Variants in DDX17 observed in about 807,000 individuals in gnomAD.
DDX17 encodes DEAD-box helicase 17.
DDX17 carries 10 observed loss-of-function variants against 80.8 expected under a neutral mutation model. The ratio of observed to expected loss-of-function variants is 0.12; its 90% CI spans 0.08 to 0.21. The LOEUF is 0.21. Ranked by LOEUF, DDX17 falls within the 10% of genes least tolerant of loss-of-function variation. The pLI is 1.00. For missense variants in DDX17, 586 were observed against 957.4 expected, an observed-to-expected ratio of 0.61 and a Z score of 5.12; for synonymous variants, 339 against 336.2, an observed-to-expected ratio of 1.01 and a Z score of -0.09.
rs772785263 is a variant in DDX17, at chr22:38,494,998, T to C, written c.929A>G (p.Glu310Gly). 6.2e-7 allele frequency: 1 copy of C among 1,614,116 alleles called. No individual in the cohort carries two copies. Among genetic ancestry groups the C allele is most frequent in the South Asian group, 1.1e-5 (1 of 91,082 alleles). Reference sequence around the variant, plus strand: ...TCGGCGAAGATTTGTCTTTCCTGACTCCAGGAAATCTATCAGACGTCCAGG... The same window carrying C: ...TCGGCGAAGATTTGTCTTTCCTGACCCCAGGAAATCTATCAGACGTCCAGG... Residue 310 changes from glutamate (E) to glycine (G), a missense_variant, in exon 7 of 13, where the codon GAG (glutamate) becomes GGG (glycine). Physicochemically the swap from Glu to Gly is moderately conservative, Grantham distance 98. Transcript: ENST00000403230.
chr22:38,495,487 C>T (rs759195147), intron 6 of DDX17, among the ~76,000 whole-genome samples: 7 of 152,064 alleles, frequency 4.6e-5, no homozygotes, highest in Non-Finnish European at 8.8e-5. Flanking sequence ...CCTCGTGATC[C>T]GCCCACCTCG....
chr22:38,488,252 G>C (rs758157057), intron 11 of DDX17, 137 bp from the exon 12 acceptor site: 2 of 1,560,586 alleles, frequency 1.3e-6, no homozygotes, highest in East Asian at 2.2e-5. Flanking sequence ...TAACCACTCT[G>C]AACAGAAACA....
intron 2 of DDX17, 41 bp from the exon 3 acceptor site, chr22:38,499,540 C>G: frequency 4.1e-6 from 6 of 1,460,406 alleles, no homozygotes; most frequent in Non-Finnish European, 5.8e-6. Flanking sequence ...ACTAGTTATT[C>G]TAAACATTCA....
chr22:38,493,803 A>C, intron 9 of DDX17, 32 bp from the exon 10 acceptor site: 3 of 1,602,126 alleles, frequency 1.9e-6, no homozygotes, highest in Non-Finnish European at 2.6e-6. Context: ...ATATTTTAAA[A>C]ATCTTTTAAA....
intron 5 of DDX17, 55 bp downstream of exon 5, chr22:38,498,030 T>A: frequency 6.5e-7 from 1 of 1,539,742 alleles, no homozygotes; most frequent in Non-Finnish European, 9.0e-7. Context: ...CAAGCCTAAA[T>A]AGTCGCTAAA....
At position 38,506,205 on chromosome 22, in the gene DDX17, A is replaced by G. The variant is rs763479027; in HGVS notation, c.33T>C (p.Cys11=). ...CTCTCGTCGGAGACGGGAGCAAAAC[A>G]CAGAGAATCGGGGCTACAAAGCCGG... Residue 11 remains cysteine (C), a synonymous_variant, in exon 1 of 13, where the codon TGT becomes TGC. Coordinates refer to ENST00000403230, the MANE Select transcript of DDX17 (RefSeq NM_006386.5). The G allele has an allele frequency of 6.2e-6, 10 of 1,607,316 alleles. No individual in the cohort carries two copies. The South Asian group carries it at 1.1e-4, about 18-fold the overall frequency.
At chr22:38,488,340 C>T in intron 11 of DDX17, 2 of 1,409,918 alleles carry the variant, frequency 1.4e-6, no homozygotes, top group South Asian at 3.0e-5. Context: ...TCTTTATTGG[C>T]TGTAGAATCC....
intron 1 of DDX17, among the ~76,000 whole-genome samples, chr22:38,503,260 T>G (rs2089848349): frequency 6.6e-6 from 1 of 152,220 alleles, no homozygotes; most frequent in Admixed American, 6.5e-5. Flanking sequence ...TAAGGTACTT[T>G]TCAAGAGGTA....
At chr22:38,505,378 G>A (rs897318544) in intron 1 of DDX17, 1 of 152,364 alleles carries the variant, frequency 6.6e-6, no homozygotes, top group Admixed American at 6.5e-5. Context: ...ACATCCCAAT[G>A]CATTTCCTCC....
chr22:38,491,511 C>T lies in DDX17; in HGVS notation c.1447+545G>A, dbSNP rs1330358780. ...GGGTAGGAGGGGATAGCCAAGTGCC[C>T]ATGATAATTTGACCTCAGTAAATTA... On this transcript the variant is annotated intron_variant, in intron 11 of 12. Transcript: ENST00000403230. The T allele has an allele frequency of 2.6e-5, 4 of 152,200 alleles. No individual in the cohort carries two copies. In the East Asian group the frequency reaches 7.7e-4, roughly 29 times the overall value. 9.4% of individuals were successfully genotyped at this position (152,200 alleles called of 1,614,324 possible).
chr22:38,502,253 AAC>A (rs2089838125), intron 1 of DDX17, among the ~76,000 whole-genome samples: 1 of 152,120 alleles, frequency 6.6e-6, no homozygotes, highest in Non-Finnish European at 1.5e-5. Context: ...TCTTACTAAA[AAC>A]ACAAAAGAGT....
chr22:38,489,855 G>C lies in DDX17; in HGVS notation c.1448-1740C>G, dbSNP rs1466232814. 1 of 985,680 alleles carries C rather than the reference G, an allele frequency of 1.0e-6. No homozygotes were observed. The highest frequency in any genetic ancestry group is 1.2e-6 in the Non-Finnish European group (1 of 830,296). 61.1% of individuals were successfully genotyped at this position (985,680 alleles called of 1,614,324 possible). Reference sequence around the variant, plus strand: ...AGGGTGGATGTAAGACAGGGGGTGGGGAATTCTACTCCATGGTATCTTCAG... The same window carrying C: ...AGGGTGGATGTAAGACAGGGGGTGGCGAATTCTACTCCATGGTATCTTCAG... On this transcript the variant is annotated intron_variant, in intron 11 of 12. Transcript: ENST00000403230. This position sits in a 1 kb window ranked among gnomAD's most constrained non-coding sequence, Gnocchi z 4.6.
rs201884579 is a variant in DDX17, at chr22:38,488,344, A to G, written c.1448-229T>C. ...AGGAAATAGGATCTTTATTGGCTGTAGAATCCTAAGGGAATCCCATCCAAA... is the reference window on the plus strand; with the variant it reads ...AGGAAATAGGATCTTTATTGGCTGTGGAATCCTAAGGGAATCCCATCCAAA... On this transcript the variant is annotated intron_variant, in intron 11 of 12. Coordinates refer to ENST00000403230, the MANE Select transcript of DDX17 (RefSeq NM_006386.5). The G allele has an allele frequency of 5.2e-4, 731 of 1,405,624 alleles. 3 individuals are homozygous for G. The African/African-American group carries it at 9.5e-3, about 18-fold the overall frequency. The allele number at this position is 1,405,624 out of a possible 1,614,324, so 87.1% of individuals were successfully genotyped here.
At position 38,486,266 on chromosome 22, in the gene DDX17, C is replaced by G; in HGVS notation, c.1859G>C (p.Gly620Ala). Reference sequence around the variant, plus strand: ...TGCTCCAAAGGCAGAATTTGGACTTCCATAGCCACTGCCATTAGCATAACC... The same window carrying G: ...TGCTCCAAAGGCAGAATTTGGACTTGCATAGCCACTGCCATTAGCATAACC... The change falls in exon 13 of 13, where the codon GGA (glycine) becomes GCA (alanine). Residue 620 changes from glycine (G) to alanine (A), a missense_variant. Around this residue, in one of 4 missense-constraint regions of DDX17, gnomAD observed 221 missense variants for 261.4 expected, o/e 0.85. Coordinates refer to ENST00000403230, the MANE Select transcript of DDX17 (RefSeq NM_006386.5). 6.2e-7 allele frequency: 1 copy of G among 1,614,198 alleles called. No individual in the cohort carries two copies. Among genetic ancestry groups the G allele is most frequent in the Non-Finnish European group, 8.5e-7 (1 of 1,180,040 alleles).
At chr22:38,500,575 GAGGC>G (rs1189177787) in intron 2 of DDX17, among the ~76,000 whole-genome samples, 1 of 151,986 alleles carries the variant, frequency 6.6e-6, no homozygotes, top group African/African-American at 2.4e-5. Flanking sequence ...TTGAGAGGCT[GAGGC>G]AGGTCGATCA....
intron 11 of DDX17, chr22:38,490,165 T>A: frequency 8.6e-7 from 1 of 1,168,996 alleles, no homozygotes; most frequent in Non-Finnish European, 1.1e-6. Flanking sequence ...TCCAGTCAAG[T>A]CTACCCTGAT....
At chr22:38,488,140 G>A (rs1451882572) in intron 11 of DDX17, 25 bp from the exon 12 acceptor site, 2 of 1,613,412 alleles carry the variant, frequency 1.2e-6, no homozygotes, top group Non-Finnish European at 1.7e-6. Context: ...ATGAGTCAGT[G>A]TGTAGGTTGA....
Position 38,486,434 on chromosome 22 carries a change from C to T in DDX17, c.1691G>A (p.Arg564His), listed in dbSNP as rs774718067. 13 of 1,604,836 alleles carry T rather than the reference C, an allele frequency of 8.1e-6. No individual in the cohort carries two copies. Among genetic ancestry groups the T allele is most frequent in the Middle Eastern group, 1.7e-4 (1 of 6,026 alleles). Residue 564 changes from arginine (R) to histidine (H), a missense_variant, in exon 13 of 13, where the codon CGT (arginine) becomes CAT (histidine). Transcript: ENST00000403230. ...TGAAGAAGTGGTCCGGTAACGAGAA[C>T]GACCACCTAATGGGAAGATACAAGA... is the stretch of plus-strand genomic sequence containing the variant.
At chr22:38,494,190 G>C (rs961126921) in intron 8 of DDX17, 59 bp from the exon 9 acceptor site, 3 of 1,161,076 alleles carry the variant, frequency 2.6e-6, no homozygotes, top group Non-Finnish European at 3.8e-6. Context: ...GGACGATTAT[G>C]TCTGCAATAT....
Sources: gnomAD v4.1 joint callset for allele counts (sites outside exome capture counted in the v4.1 genomes callset) on GRCh38, gnomAD v4.1.1 for gene constraint, gnomAD v4.1.1 regional missense constraint, Gnocchi (gnomAD v3.1) non-coding constraint, MANE v1.5 for transcripts, NCBI Gene and HGNC (gene_info 2026-07-23, HGNC 2026-07-21) for gene names.